The following OR1L8 variants were observed in gnomAD, a reference collection of about 807,000 sequenced individuals.
OR1L8 encodes the protein olfactory receptor family 1 subfamily L member 8.
For missense variants in OR1L8, 330 were observed against 377.4 expected, an observed-to-expected ratio of 0.87 and a Z score of 1.04; for synonymous variants, 148 against 147.0, an observed-to-expected ratio of 1.01 and a Z score of -0.05.
intron 1 of OR1L8, among the ~76,000 whole-genome samples, chr9:122,582,063 G>A (rs1829745135): frequency 6.6e-6 from 1 of 152,194 alleles, no homozygotes; most frequent in South Asian, 2.1e-4. Context: ...TAGGACCACT[G>A]AAGGACTAAG....
intron 4 of OR1L8, among the ~76,000 whole-genome samples, chr9:122,570,128 C>T (rs376927200): frequency 2.2e-4 from 32 of 148,174 alleles, no homozygotes; most frequent in African/African-American, 6.2e-4. Flanking sequence ...TGAATAGTGC[C>T]GCAATAAACA....
chr9:122,565,284 G>T (rs923820800), downstream of OR1L8, among the ~76,000 whole-genome samples: 1 of 152,196 alleles, frequency 6.6e-6, no homozygotes, highest in African/African-American at 2.4e-5. Context: ...AATGGGCAAA[G>T]ATATGAAGAT....
chr9:122,555,671 A>T, the OR1L8 span, among the ~76,000 whole-genome samples: 100 of 152,326 alleles, frequency 6.6e-4, no homozygotes, highest in African/African-American at 2.4e-3. Context: ...TGAAATTTGT[A>T]GGGCAGGCTG....
At chr9:122,554,288 T>TAAAA in the OR1L8 span, 4 of 548,432 alleles carry the variant, frequency 7.3e-6, no homozygotes, top group African/African-American at 2.0e-5. Flanking sequence ...GTTAGGGATG[T>TAAAA]AAAAAAAAAA....
intron 4 of OR1L8, among the ~76,000 whole-genome samples, chr9:122,569,742 A>G (rs915434422): frequency 5.3e-5 from 8 of 152,082 alleles, no homozygotes; most frequent in Middle Eastern, 6.8e-3. Flanking sequence ...AGTTTGTTAC[A>G]TATGTATACA....
At chr9:122,559,082 G>A in the OR1L8 span, among the ~76,000 whole-genome samples, 20 of 152,064 alleles carry the variant, frequency 1.3e-4, no homozygotes, top group Admixed American at 3.3e-4. Flanking sequence ...TTCTGGCTAT[G>A]TTGAAATTAC....
At chr9:122,559,838 AT>A in the OR1L8 span, among the ~76,000 whole-genome samples, 1 of 152,128 alleles carries the variant, frequency 6.6e-6, no homozygotes, top group African/African-American at 2.4e-5. Flanking sequence ...GTCGACGTTT[AT>A]TAGGTCTACT....
At chr9:122,569,745 T>C (rs1055680503) in intron 4 of OR1L8, among the ~76,000 whole-genome samples, 7 of 152,100 alleles carry the variant, frequency 4.6e-5, no homozygotes, top group African/African-American at 1.7e-4. Context: ...TTGTTACATA[T>C]GTATACATGT....
the OR1L8 span, among the ~76,000 whole-genome samples, chr9:122,556,590 C>G: frequency 0.019 from 2,943 of 152,088 alleles, 87 homozygotes; most frequent in African/African-American, 0.066. Flanking sequence ...GCCTAGATGA[C>G]AGGTTGAAAG....
intron 3 of OR1L8, among the ~76,000 whole-genome samples, chr9:122,575,360 T>A (rs1829634860): frequency 6.6e-6 from 1 of 152,134 alleles, no homozygotes. Flanking sequence ...TTGAGTCAAT[T>A]TCTTTTATAG....
chr9:122,566,004 G>C (rs1359127038), downstream of OR1L8, among the ~76,000 whole-genome samples: 3 of 152,138 alleles, frequency 2.0e-5, no homozygotes, highest in African/African-American at 7.2e-5. Flanking sequence ...GATCTATGGA[G>C]TATGATCCAA....
chr9:122,548,775 G>A, the OR1L8 span, among the ~76,000 whole-genome samples: 8,818 of 94,848 alleles, frequency 0.093, 381 homozygotes, highest in South Asian at 0.3. Context: ...AACAGGCCCC[G>A]GTGTGTGATG....
the OR1L8 span, among the ~76,000 whole-genome samples, chr9:122,546,528 A>C: frequency 1.3e-5 from 2 of 152,168 alleles, no homozygotes; most frequent in Non-Finnish European, 2.9e-5. Context: ...AGGTGTTCAG[A>C]CCTAACAAAC....
chr9:122,548,764 C>T, the OR1L8 span, among the ~76,000 whole-genome samples: 31 of 112,550 alleles, frequency 2.8e-4, no homozygotes, highest in Non-Finnish European at 4.8e-4. Flanking sequence ...CCCCACCCCA[C>T]AACAGGCCCC....
chr9:122,583,087 A>C (rs948502382), intron 1 of OR1L8, among the ~76,000 whole-genome samples: 8 of 152,058 alleles, frequency 5.3e-5, no homozygotes, highest in African/African-American at 1.9e-4. Flanking sequence ...TTGATGTGTA[A>C]ATTTATAAAT....
At chr9:122,560,466 G>A in the OR1L8 span, among the ~76,000 whole-genome samples, 8,134 of 152,152 alleles carry the variant, frequency 0.053, 240 homozygotes, top group South Asian at 0.086. Context: ...GGCTGGTACC[G>A]GTGTTTCCTT....
At chr9:122,553,437 T>A in the OR1L8 span, 2 of 1,614,182 alleles carry the variant, frequency 1.2e-6, no homozygotes, top group East Asian at 4.5e-5. Flanking sequence ...TGATGCCTGT[T>A]TCACTTCTGC....
At chr9:122,558,350 T>C in the OR1L8 span, among the ~76,000 whole-genome samples, 1 of 110,292 alleles carries the variant, frequency 9.1e-6, no homozygotes, top group Non-Finnish European at 1.8e-5. Flanking sequence ...CAAAAGAAGG[T>C]TAAATTCAAC....
At chr9:122,553,225 G>T in the OR1L8 span, 1 of 1,613,714 alleles carries the variant, frequency 6.2e-7, no homozygotes, top group Non-Finnish European at 8.5e-7. Context: ...GGAAAACCAG[G>T]CAGAGTGAAC....
Sources: gnomAD v4.1 joint callset for allele counts (sites outside exome capture counted in the v4.1 genomes callset) on GRCh38, gnomAD v4.1.1 for gene constraint, MANE v1.5 for transcripts, NCBI Gene and HGNC (gene_info 2026-07-23, HGNC 2026-07-21) for gene names.